Variants in ZNF17 observed in about 807,000 individuals in gnomAD.
ZNF17 encodes zinc finger protein 17, also known as zinc finger protein 17 (HPF3, KOX 10).
ZNF17 carries 4 observed loss-of-function variants against 7.7 expected under a neutral mutation model. The ratio of observed to expected loss-of-function variants is 0.52; its 90% CI spans 0.26 to 1.20. The LOEUF (loss-of-function observed/expected upper bound fraction) is 1.20. Ranked by LOEUF, ZNF17 falls within the 50% of genes most tolerant of loss-of-function variation. The pLI, the probability that ZNF17 is intolerant of heterozygous loss-of-function variation, is 0.14. For synonymous variants in ZNF17, 249 were observed against 258.8 expected (o/e 0.96, Z 0.36); for missense variants, 738 against 799.5 (o/e 0.92, Z 0.93).
At chr19:57,412,971 G>C (rs1368971921) in intron 1 of ZNF17, among the ~76,000 whole-genome samples, 7 of 151,250 alleles carry the variant, frequency 4.6e-5, no homozygotes, top group African/African-American at 1.2e-4. Context: ...TCTGCCTCCC[G>C]GGTTCAAGCG....
At position 57,420,037 on chromosome 19, in the gene ZNF17, C is replaced by G; in HGVS notation, c.551C>G (p.Ala184Gly). ...KPHRDTHGVE[A>G]FQSGQNNYSC... Reference sequence around the variant, plus strand: ...CACAGGGACACTCATGGTGTGGAGGCCTTTCAAAGTGGACAGAATAATTAC... The same window carrying G: ...CACAGGGACACTCATGGTGTGGAGGGCTTTCAAAGTGGACAGAATAATTAC... Residue 184 changes from alanine to glycine, a missense_variant, in exon 4 of 4, where the codon GCC (alanine) becomes GGC (glycine). Physicochemically the swap from Ala to Gly is moderately conservative, Grantham distance 60. Around this residue, in one of 3 missense-constraint regions of ZNF17, gnomAD observed 616 missense variants for 663.9 expected, o/e 0.93. Transcript: ENST00000307658. The G allele has an allele frequency of 6.2e-7, 1 of 1,614,166 alleles. No individual in the cohort carries two copies. The highest frequency in any genetic ancestry group is 1.1e-5 in the South Asian group (1 of 91,084).
At chr19:57,415,929 A>T (rs1434605305) in intron 2 of ZNF17, among the ~76,000 whole-genome samples, 1 of 152,002 alleles carries the variant, frequency 6.6e-6, no homozygotes, top group African/African-American at 2.4e-5. Flanking sequence ...ATCTAGAAGC[A>T]TTGCTAGTCC....
rs907698038 is a variant in ZNF17 at position 57,421,745 on chromosome 19, G to A, written c.*264G>A. ...CTCACTCCATCCAGCCTCTTGACAA[G>A]CACCGCTCTGTATGAATTTTACTAG... On this transcript the variant is annotated 3_prime_UTR_variant, in exon 4 of 4. Coordinates refer to ENST00000307658, the MANE Select transcript of ZNF17 (RefSeq NM_001330617.2). 1 of 335,984 alleles carries A rather than the reference G, an allele frequency of 3.0e-6. No individual in the cohort carries two copies. 20.8% of individuals were successfully genotyped at this position (335,984 alleles called of 1,614,324 possible). A position where few individuals can be genotyped will look rare whatever the true frequency, so the allele number is the denominator to read the frequency against.
In ZNF17 at chr19:57,420,831, T is replaced by C. The variant is rs1333181998; in HGVS notation, c.1345T>C (p.Cys449Arg). 19 of 1,614,000 alleles carry C rather than the reference T, an allele frequency of 1.2e-5. No homozygotes were observed. The highest frequency in any genetic ancestry group is 1.5e-5 in the Non-Finnish European group (18 of 1,180,036). The change falls in exon 4 of 4, where the codon TGT becomes CGT. Residue 449 changes from cysteine (C) to arginine (R), a missense_variant. This residue lies in a region of ZNF17 where 616 missense variants were observed against 663.9 expected (regional missense o/e 0.93). Transcript: ENST00000307658. ...AGAAAAGCCTTATGAATGCAACAAA[T>C]GTGGGAAATTCTTTAGGTATTGCTT... Reference protein sequence around the residue: ...TGEKPYECNKCGKFFRYCFTL... With the variant: ...TGEKPYECNKRGKFFRYCFTL...
chr19:57,413,400 C>T (rs986202713), intron 1 of ZNF17, 196 bp from the exon 2 acceptor site: 7 of 559,392 alleles, frequency 1.3e-5, no homozygotes, highest in South Asian at 5.0e-5. Flanking sequence ...GTTGGCAATC[C>T]TTTTAATCTC....
In ZNF17 at chr19:57,420,383, C is replaced by G. The variant is rs372501523; in HGVS notation, c.897C>G (p.Thr299=). Residue 299 remains threonine (T), a synonymous_variant, in exon 4 of 4, where the codon ACC becomes ACG. Transcript: ENST00000307658. The part of the protein sequence containing the change: ...SHLLQHQRIH[T]RPRPYVCSEC... ...TACTTCAGCACCAGAGGATTCACAC[C>G]AGGCCAAGGCCTTATGTGTGTAGTG... 3.2e-5 allele frequency: 52 copies of G among 1,612,708 alleles called. 1 individual carries two copies. In the African/African-American group the frequency reaches 4.7e-4, roughly 15 times the overall value.
chr19:57,420,903 G>T lies in ZNF17; in HGVS notation c.1417G>T (p.Glu473Ter). ...QRVHSGERPY[E>*]CSECGKFFVD... ...AGTTCACTCTGGAGAGAGGCCTTAT[G>T]AATGCAGTGAATGTGGCAAATTCTT... The change falls in exon 4 of 4, where the codon GAA becomes TAA. Residue 473 changes from glutamate (E) to a stop codon, truncating the protein, a stop_gained. Transcript: ENST00000307658. LOFTEE classifies it low-confidence loss of function (END_TRUNC). The T allele has an allele frequency of 6.2e-7, 1 of 1,614,078 alleles. No individual in the cohort carries two copies. Among genetic ancestry groups the T allele is most frequent in the Non-Finnish European group, 8.5e-7 (1 of 1,179,986 alleles).
chr19:57,417,811 C>T, intron 2 of ZNF17, 101 bp from the exon 3 acceptor site: 1 of 1,427,014 alleles, frequency 7.0e-7, no homozygotes, highest in South Asian at 1.3e-5. Flanking sequence ...CACACCACTG[C>T]ACTCCAGCCT....
Position 57,420,458 on chromosome 19 carries a change from A to G in ZNF17, c.972A>G (p.Lys324=), listed in dbSNP as rs2088842090. ...LTQAHLVGHQ[K]IHTGERPYGC... ...AGGCTCACCTTGTTGGTCACCAGAAAATTCATACTGGAGAACGGCCTTATG... is the reference window on the plus strand; with the variant it reads ...AGGCTCACCTTGTTGGTCACCAGAAGATTCATACTGGAGAACGGCCTTATG... Residue 324 remains lysine (K), a synonymous_variant, in exon 4 of 4, where the codon AAA becomes AAG. Coordinates refer to ENST00000307658, the MANE Select transcript of ZNF17 (RefSeq NM_001330617.2). 3.1e-6 allele frequency: 5 copies of G among 1,614,178 alleles called. No individual in the cohort carries two copies. The highest frequency in any genetic ancestry group is 4.2e-6 in the Non-Finnish European group (5 of 1,180,030).
intron 3 of ZNF17, chr19:57,419,138 C>T (rs1455745030): frequency 1.3e-5 from 2 of 154,956 alleles, no homozygotes; most frequent in African/African-American, 4.8e-5. Context: ...GCCTTGGCCT[C>T]CCAAAGTTCT....
At chr19:57,413,970 A>G (rs966531553) in intron 2 of ZNF17, among the ~76,000 whole-genome samples, 1 of 152,192 alleles carries the variant, frequency 6.6e-6, no homozygotes, top group African/African-American at 2.4e-5. Flanking sequence ...GCAGCAGGGC[A>G]GGAGGTCGGG....
intron 1 of ZNF17, 144 bp downstream of exon 1, chr19:57,411,550 CG>C: frequency 2.1e-6 from 3 of 1,436,810 alleles, no homozygotes; most frequent in Non-Finnish European, 2.7e-6. Context: ...TGCTGTGAGG[CG>C]GGGGAGCTCC....
At position 57,421,592 on chromosome 19, in the gene ZNF17, A is replaced by G; in HGVS notation, c.*111A>G. ...TATTCTTGTAGAATACAGATAACAT[A>G]AAATCTAACATCTTAACCATGTTAA... On this transcript the variant is annotated 3_prime_UTR_variant, in exon 4 of 4. Coordinates refer to ENST00000307658, the MANE Select transcript of ZNF17 (RefSeq NM_001330617.2). 1 of 1,214,464 alleles carries G rather than the reference A, an allele frequency of 8.2e-7. No individual in the cohort carries two copies. The highest frequency in any genetic ancestry group is 1.1e-6 in the Non-Finnish European group (1 of 880,134). The allele number at this position is 1,214,464 out of a possible 1,614,324, so 75.2% of individuals were successfully genotyped here.
In ZNF17 at chr19:57,421,277, C is replaced by G; in HGVS notation, c.1791C>G (p.Ser597=). Residue 597 remains serine (S), a synonymous_variant, in exon 4 of 4, where the codon TCC becomes TCG. Coordinates refer to ENST00000307658, the MANE Select transcript of ZNF17 (RefSeq NM_001330617.2). The part of the protein sequence containing the change: ...SKCGKFFMDS[S]TLISHERVHT... ...GTGGGAAATTTTTTATGGACAGCTC[C>G]ACACTCATTAGTCATGAGAGAGTTC... The G allele has an allele frequency of 1.2e-6, 2 of 1,613,980 alleles. No individual in the cohort carries two copies. Among genetic ancestry groups the G allele is most frequent in the Non-Finnish European group, 1.7e-6 (2 of 1,179,964 alleles).
chr19:57,415,885 G>C (rs995784882), intron 2 of ZNF17, among the ~76,000 whole-genome samples: 3 of 152,094 alleles, frequency 2.0e-5, no homozygotes, highest in African/African-American at 7.2e-5. Context: ...AGTTTCACGC[G>C]AACTCTGAGA....
In ZNF17 at chr19:57,420,380, C is replaced by T. The variant is rs374905804; in HGVS notation, c.894C>T (p.His298=). Residue 298 remains histidine, a synonymous_variant, in exon 4 of 4, where the codon CAC becomes CAT. Transcript: ENST00000307658. ...ACCTACTTCAGCACCAGAGGATTCA[C>T]ACCAGGCCAAGGCCTTATGTGTGTA... is the stretch of plus-strand genomic sequence containing the variant. ...KSHLLQHQRI[H]TRPRPYVCSE... The T allele has an allele frequency of 9.3e-6, 15 of 1,613,892 alleles. No individual in the cohort carries two copies. Among genetic ancestry groups the T allele is most frequent in the South Asian group, 1.1e-5 (1 of 91,076 alleles).
chr19:57,421,506 G>C lies in ZNF17; in HGVS notation c.*25G>C. On this transcript the variant is annotated 3_prime_UTR_variant, in exon 4 of 4. Transcript: ENST00000307658. ...AAGAATGTATATATAAAGCAGATGG[G>C]GAAAGACTTCACACAGAAATCTACT... is the stretch of plus-strand genomic sequence containing the variant. 6.5e-7 allele frequency: 1 copy of C among 1,549,698 alleles called. No individual in the cohort carries two copies. The highest frequency in any genetic ancestry group is 8.7e-7 in the Non-Finnish European group (1 of 1,149,616).
chr19:57,417,099 AT>A (rs914132189), intron 2 of ZNF17, among the ~76,000 whole-genome samples: 7 of 150,904 alleles, frequency 4.6e-5, no homozygotes, highest in African/African-American at 1.2e-4. Context: ...CATTGAAATA[AT>A]TTTTTTTTTC....
intron 3 of ZNF17, 149 bp from the exon 4 acceptor site, chr19:57,419,486 C>T: frequency 2.5e-6 from 2 of 806,122 alleles, no homozygotes; most frequent in Non-Finnish European, 3.9e-6. Context: ...CCGGTTCTGC[C>T]CAGTAGGCTT....
Sources: gnomAD v4.1 joint callset for allele counts (sites outside exome capture counted in the v4.1 genomes callset) on GRCh38, gnomAD v4.1.1 for gene constraint, gnomAD v4.1.1 regional missense constraint, MANE v1.5 for transcripts, NCBI Gene and HGNC (gene_info 2026-07-23, HGNC 2026-07-21) for gene names.